Variants in ARHGAP30 observed in about 807,000 individuals in gnomAD.
ARHGAP30 encodes the protein rho GTPase-activating protein 30.
In ARHGAP30, 23 loss-of-function variants were observed where a neutral mutation model predicts 72.0. That is an observed-to-expected ratio of 0.32 (90% CI 0.23 to 0.45). The LOEUF (loss-of-function observed/expected upper bound fraction) is 0.45, where lower values mean the gene tolerates loss of function less well. Ranked by LOEUF, ARHGAP30 falls within the 20% of genes least tolerant of loss-of-function variation. The pLI is 1.00. For synonymous variants in ARHGAP30, 576 were observed against 528.2 expected (o/e 1.09, Z -1.24); for missense variants, 1,319 against 1,383.4 (o/e 0.95, Z 0.74).
intron 1 of ARHGAP30, among the ~76,000 whole-genome samples, chr1:161,060,697 C>CTTT (rs1311336285): frequency 3.1e-4 from 32 of 103,458 alleles, no homozygotes; most frequent in Non-Finnish European, 4.9e-4. Context: ...GAGTCAAGGA[C>CTTT]TTTTTTTTTT....
In ARHGAP30 at chr1:161,049,618, G is replaced by C. The variant is rs1651197042; in HGVS notation, c.1492C>G (p.Leu498Val). ...ACCTCCTGGGACAGCGAGTCCTCCA[G>C]GGCAGGAGCCAAGTCGTCTGGGCCT... is the stretch of plus-strand genomic sequence containing the variant. ...DSGPDDLAPA[L>V]EDSLSQEVQD... Residue 498 changes from leucine to valine, a missense_variant, in exon 11 of 12, where the codon CTG becomes GTG. By Grantham distance (32) the Leu-to-Val change is conservative (BLOSUM62 1). This residue lies in a region of ARHGAP30 where 1,097 missense variants were observed against 1,045.2 expected (regional missense o/e 1.05). Coordinates refer to ENST00000368013, the MANE Select transcript of ARHGAP30 (RefSeq NM_001025598.2). 1 of 1,614,060 alleles carries C rather than the reference G, an allele frequency of 6.2e-7. No homozygotes were observed. Among genetic ancestry groups the C allele is most frequent in the Non-Finnish European group, 8.5e-7 (1 of 1,179,968 alleles).
At chr1:161,060,804 C>T (rs1320467837) in intron 1 of ARHGAP30, among the ~76,000 whole-genome samples, 1 of 148,540 alleles carries the variant, frequency 6.7e-6, no homozygotes, top group African/African-American at 2.5e-5. Context: ...CGGGTTCAAG[C>T]GAGTCTCCTG....
At chr1:161,065,868 CTTATTTATTTATTTAT>C (rs376275626) in intron 1 of ARHGAP30, among the ~76,000 whole-genome samples, 28 of 133,250 alleles carry the variant, frequency 2.1e-4, no homozygotes, top group East Asian at 4.3e-4. Context: ...CACCCGGCCC[CTTATTTATTTATTTAT>C]TTATTTATTT....
At chr1:161,058,309 C>G (rs1481999263) in intron 2 of ARHGAP30, among the ~76,000 whole-genome samples, 2 of 149,634 alleles carry the variant, frequency 1.3e-5, no homozygotes, top group Non-Finnish European at 3.0e-5. Flanking sequence ...AAAACTCCAT[C>G]CCAAAAAATA....
rs536679667 is a variant in ARHGAP30, at chr1:161,053,882, A to G, written c.536+484T>C. Among the ~76,000 whole-genome samples, 19 of 152,284 alleles carry G rather than the reference A, an allele frequency of 1.2e-4. No homozygotes were observed. In the East Asian group the frequency reaches 3.7e-3, roughly 29 times the overall value. Reference sequence around the variant, plus strand: ...GGAGTTCAAGATCAGCCTGACCAACATGGTGAAACCCCTTCTCTCTACTAA... The same window carrying G: ...GGAGTTCAAGATCAGCCTGACCAACGTGGTGAAACCCCTTCTCTCTACTAA... On this transcript the variant is annotated intron_variant, in intron 5 of 11. Coordinates refer to ENST00000368013, the MANE Select transcript of ARHGAP30 (RefSeq NM_001025598.2).
Position 161,051,826 on chromosome 1 carries a change from G to T in ARHGAP30, c.1019-111C>A, listed in dbSNP as rs563858633. ...CTGCTTTCTCAGGCTTGAAAGCAAC[G>T]ATAGCCTGGAAGGCACCAGGCCCAG... is the stretch of plus-strand genomic sequence containing the variant. On this transcript the variant is annotated intron_variant, in intron 9 of 11. Coordinates refer to ENST00000368013, the MANE Select transcript of ARHGAP30 (RefSeq NM_001025598.2). 54 of 1,437,254 alleles carry T rather than the reference G, an allele frequency of 3.8e-5. No individual in the cohort carries two copies. The African/African-American group carries it at 7.0e-4, about 19-fold the overall frequency. 89.0% of individuals were successfully genotyped at this position (1,437,254 alleles called of 1,614,324 possible). A position where few individuals can be genotyped will look rare whatever the true frequency, so the allele number is the denominator to read the frequency against.
chr1:161,059,844 G>C (rs1652183410), intron 1 of ARHGAP30, 128 bp from the exon 2 acceptor site: 1 of 742,772 alleles, frequency 1.3e-6, no homozygotes, highest in Admixed American at 2.9e-5. Context: ...AAACTTGTCA[G>C]AACAATTCTT....
chr1:161,055,794 TAAAATAAAATA>T (rs1651775914), intron 3 of ARHGAP30, among the ~76,000 whole-genome samples: 1 of 36,442 alleles, frequency 2.7e-5, no homozygotes, highest in Non-Finnish European at 8.5e-5. Context: ...AAAATTAAAA[TAAAATAAAATA>T]ATAAAATAAA....
chr1:161,062,099 A>G (rs530074620), intron 1 of ARHGAP30, among the ~76,000 whole-genome samples: 6 of 152,082 alleles, frequency 3.9e-5, no homozygotes, highest in African/African-American at 1.4e-4. Flanking sequence ...AAAAACAACA[A>G]CAACAAAAAA....
Position 161,052,788 on chromosome 1 carries a change from A to G in ARHGAP30, c.674T>C (p.Val225Ala). 2.5e-6 allele frequency: 4 copies of G among 1,610,366 alleles called. No homozygotes were observed. The highest frequency in any genetic ancestry group is 3.4e-6 in the Non-Finnish European group (4 of 1,179,230). The change falls in exon 7 of 12, where the codon GTG (valine) becomes GCG (alanine). Residue 225 changes from valine to alanine, a missense_variant. By Grantham distance (64) the Val-to-Ala change is moderately conservative. This residue lies in a region of ARHGAP30 where 222 missense variants were observed against 338.2 expected (regional missense o/e 0.66). Coordinates refer to ENST00000368013, the MANE Select transcript of ARHGAP30 (RefSeq NM_001025598.2). ...FGGAALSGGEVESGWRSLPGT... is the reference protein window; with the variant it reads ...FGGAALSGGEAESGWRSLPGT... Reference sequence around the variant, plus strand: ...TGGAAGCGATCGCCACCCACTCTCCACCTCACCACCTGGGAAAAGAAAAGG... The same window carrying G: ...TGGAAGCGATCGCCACCCACTCTCCGCCTCACCACCTGGGAAAAGAAAAGG...
Position 161,048,076 on chromosome 1 carries a change from G to C in ARHGAP30, c.2945C>G (p.Ser982Cys), listed in dbSNP as rs1400886665. 8 of 1,614,138 alleles carry C rather than the reference G, an allele frequency of 5.0e-6. No homozygotes were observed. The Admixed American group carries it at 5.0e-5, about 10-fold the overall frequency. ...CCTCCAAGAGGATCGAGAAGCTCGG[G>C]ACCCCCAAGCCCTTTCTCCAGGAGT... is the stretch of plus-strand genomic sequence containing the variant. The part of the protein sequence containing the change: ...DGTPGERAWG[S>C]RASRSSWRNG... The change falls in exon 12 of 12, where the codon TCC becomes TGC. Residue 982 changes from serine (S) to cysteine (C), a missense_variant. By Grantham distance (112) the Ser-to-Cys change is moderately radical. Transcript: ENST00000368013.
At chr1:161,051,190 G>C in intron 10 of ARHGAP30, 124 bp downstream of exon 10, 1 of 1,454,928 alleles carries the variant, frequency 6.9e-7, no homozygotes, top group South Asian at 1.5e-5. Flanking sequence ...GCAGCTAAAG[G>C]TAACCACCCC....
intron 10 of ARHGAP30, 65 bp from the exon 11 acceptor site, chr1:161,049,754 C>T: frequency 6.4e-7 from 1 of 1,553,776 alleles, no homozygotes; most frequent in Non-Finnish European, 8.7e-7. Context: ...AGTGTGAGTC[C>T]TCCTAGCATT....
chr1:161,049,091 C>G lies in ARHGAP30; in HGVS notation c.1930G>C (p.Ala644Pro), dbSNP rs1479366929. The G allele has an allele frequency of 6.2e-7, 1 of 1,614,066 alleles. No homozygotes were observed. ...EGEAAGCGRQ[A>P]LGQGGEEQAC... The stretch of plus-strand genomic sequence containing the variant: ...TGCTCTTCCCCACCCTGTCCCAGAG[C>G]CTGCCTTCCACATCCTGCTGCCTCT... Residue 644 changes from alanine to proline, a missense_variant, in exon 12 of 12, where the codon GCT becomes CCT. Ala to Pro is a conservative substitution (Grantham distance 27). Transcript: ENST00000368013.
chr1:161,054,246 G>T, intron 5 of ARHGAP30, 120 bp downstream of exon 5: 1 of 874,358 alleles, frequency 1.1e-6, no homozygotes, highest in Non-Finnish European at 1.8e-6. Flanking sequence ...TTCTCACTGG[G>T]CTTTGTGAGC....
rs1371060666 is a variant in ARHGAP30 at position 161,048,550 on chromosome 1, T to C, written c.2471A>G (p.Glu824Gly). 3 of 1,614,154 alleles carry C rather than the reference T, an allele frequency of 1.9e-6. No homozygotes were observed. Among genetic ancestry groups the C allele is most frequent in the Non-Finnish European group, 2.5e-6 (3 of 1,180,026 alleles). The change falls in exon 12 of 12, where the codon GAA (glutamate) becomes GGA (glycine). Residue 824 changes from glutamate (E) to glycine (G), a missense_variant. Glu to Gly is a moderately conservative substitution (Grantham distance 98). Coordinates refer to ENST00000368013, the MANE Select transcript of ARHGAP30 (RefSeq NM_001025598.2). ...CCCTGCTCCTCCTTCAGTTGCTGCT[T>C]CTGGGCTTCTGCTGTCTTCACCATC... ...QGDGEDSRSP[E>G]AATEGGAGEV...
chr1:161,052,902 T>C, intron 6 of ARHGAP30, 105 bp from the exon 7 acceptor site: 1 of 1,375,870 alleles, frequency 7.3e-7, no homozygotes, highest in Non-Finnish European at 9.8e-7. Context: ...TAGGGATATA[T>C]TCAGAAGCCC....
Position 161,048,483 on chromosome 1 carries a change from C to T in ARHGAP30, c.2538G>A (p.Glu846=), listed in dbSNP as rs1382314817. The T allele has an allele frequency of 1.2e-6, 2 of 1,614,034 alleles. No individual in the cohort carries two copies. Among genetic ancestry groups the T allele is most frequent in the African/African-American group, 2.7e-5 (2 of 74,902 alleles). The part of the protein sequence containing the change: ...KERESGDGEA[E]GDQRAGGYYL... ...AGTACCCTCCAGCCCTCTGGTCTCC[C>T]TCAGCCTCTCCATCCCCACTCTCCC... The change falls in exon 12 of 12, where the codon GAG becomes GAA. Residue 846 remains glutamate (E), a synonymous_variant. Transcript: ENST00000368013.
At chr1:161,063,963 T>C (rs973400919) in intron 1 of ARHGAP30, among the ~76,000 whole-genome samples, 22 of 152,240 alleles carry the variant, frequency 1.4e-4, no homozygotes, top group Admixed American at 1.3e-4. Flanking sequence ...CCTGATAAGA[T>C]GTTATCAATG....
Sources: gnomAD v4.1 joint callset for allele counts (sites outside exome capture counted in the v4.1 genomes callset) on GRCh38, gnomAD v4.1.1 for gene constraint, gnomAD v4.1.1 regional missense constraint, MANE v1.5 for transcripts, NCBI Gene and HGNC (gene_info 2026-07-23, HGNC 2026-07-21) for gene names.